The following LHFPL1 variants were observed in gnomAD, a reference collection of about 807,000 sequenced individuals.
LHFPL1 encodes LHFPL tetraspan subfamily member 1, also known as LHFPL tetraspan subfamily member 1 protein.
A neutral mutation model predicts 12.1 loss-of-function variants in LHFPL1; 4 were observed. That is an observed-to-expected ratio of 0.33 (90% CI 0.16 to 0.76). The LOEUF (loss-of-function observed/expected upper bound fraction) is 0.76. Among genes scored for constraint, LHFPL1 ranks in the 30% least tolerant of loss-of-function variants. LHFPL1 has a pLI of 0.61. For synonymous variants in LHFPL1, 52 were observed against 61.9 expected, an observed-to-expected ratio of 0.84 and a Z score of 0.75; for missense variants, 141 against 174.1, an observed-to-expected ratio of 0.81 and a Z score of 1.07.
At chrX:112,641,038 T>C (rs7050419) in intron 3 of LHFPL1, among the ~76,000 whole-genome samples, 30,789 of 110,605 alleles carry the variant, frequency 0.28, 4,330 homozygotes, top group African/African-American at 0.54. Flanking sequence ...AGTGAGCTGA[T>C]TTACCTCAGG....
chrX:112,631,430 A>C lies in LHFPL1; in HGVS notation c.653T>G (p.Leu218Arg). Residue 218 changes from leucine (L) to arginine (R), a missense_variant, in exon 4 of 4, where the codon CTC becomes CGC. By Grantham distance (102) the Leu-to-Arg change is moderately radical (BLOSUM62 -2). Transcript: ENST00000371968. ...ATCTTCTTTCAAAGCTCAAGGTTTG[A>C]GGCAATGGTCAAGCTCCATAGCATA... The part of the protein sequence containing the change: ...NSYAMELDHC[L>R]KP 1 of 1,203,109 alleles carries C rather than the reference A, an allele frequency of 8.3e-7. No individual in the cohort carries two copies. Among genetic ancestry groups the C allele is most frequent in the Non-Finnish European group, 1.1e-6 (1 of 889,675 alleles).
At chrX:112,655,400 T>A (rs1370952489) in intron 3 of LHFPL1, among the ~76,000 whole-genome samples, 2 of 112,041 alleles carry the variant, frequency 1.8e-5, no homozygotes, top group African/African-American at 6.5e-5. Context: ...GTATCTTTGA[T>A]CATTCAAATT....
intron 2 of LHFPL1, 93 bp downstream of exon 2, chrX:112,670,916 G>T (rs1931476181): frequency 2.1e-6 from 2 of 939,441 alleles, no homozygotes; most frequent in East Asian, 3.1e-5. Context: ...AAAGTGAAGG[G>T]GGTGAGAATG....
At chrX:112,644,179 C>G (rs1047044805) in intron 3 of LHFPL1, among the ~76,000 whole-genome samples, 1 of 112,246 alleles carries the variant, frequency 8.9e-6, no homozygotes, top group African/African-American at 3.2e-5. Context: ...GGCGGATGGC[C>G]TCCTATGGAT....
intron 3 of LHFPL1, among the ~76,000 whole-genome samples, chrX:112,658,539 G>A (rs1472493287): frequency 2.7e-5 from 3 of 109,744 alleles, no homozygotes; most frequent in Admixed American, 9.7e-5. Context: ...AAAGATGTTC[G>A]AAATCATCAG....
intron 2 of LHFPL1, among the ~76,000 whole-genome samples, chrX:112,668,435 T>A (rs1434214445): frequency 8.9e-6 from 1 of 112,546 alleles, no homozygotes; most frequent in Non-Finnish European, 1.9e-5. Flanking sequence ...GGTCTAGCGA[T>A]CTGTCCCAAT....
chrX:112,677,364 G>A (rs957202073), intron 1 of LHFPL1, among the ~76,000 whole-genome samples: 4 of 111,421 alleles, frequency 3.6e-5, no homozygotes, highest in African/African-American at 1.3e-4. Context: ...GCTGGTTTAG[G>A]ACTGGTCTGT....
chrX:112,661,292 G>A lies in LHFPL1; in HGVS notation c.383-567C>T, dbSNP rs1338009116. ...TATGCCTTACACCATGACGCCTTAC[G>A]CTAAATAAAAGGATGAAGGCCCTTT... is the stretch of plus-strand genomic sequence containing the variant. On this transcript the variant is annotated intron_variant, in intron 2 of 3. Coordinates refer to ENST00000371968, the MANE Select transcript of LHFPL1 (RefSeq NM_178175.4). Among the ~76,000 whole-genome samples the A allele has an allele frequency of 7.2e-5, 8 of 110,941 alleles. No homozygotes were observed. In the East Asian group the frequency reaches 8.5e-4, roughly 12 times the overall value.
chrX:112,659,347 C>T (rs1602683986), intron 3 of LHFPL1, among the ~76,000 whole-genome samples: 1 of 111,128 alleles, frequency 9.0e-6, no homozygotes, highest in African/African-American at 3.3e-5. Flanking sequence ...GTAGTCCCAG[C>T]CACTTGAGAG....
chrX:112,675,540 T>C (rs1430667615), intron 1 of LHFPL1, among the ~76,000 whole-genome samples: 1 of 112,521 alleles, frequency 8.9e-6, no homozygotes, highest in African/African-American at 3.2e-5. Context: ...TTAAATTAAA[T>C]GTGTTTAGCT....
At chrX:112,642,092 C>T (rs1355928194) in intron 3 of LHFPL1, among the ~76,000 whole-genome samples, 1 of 109,758 alleles carries the variant, frequency 9.1e-6, no homozygotes, top group Non-Finnish European at 1.9e-5. Flanking sequence ...TCTAGCCTCG[C>T]CAGGGAATTG....
At chrX:112,664,491 G>A (rs16987041) in intron 2 of LHFPL1, among the ~76,000 whole-genome samples, 6,764 of 111,506 alleles carry the variant, frequency 0.061, 526 homozygotes, top group African/African-American at 0.21. Flanking sequence ...ACAGGTACCC[G>A]CTGAAAGAAC....
At chrX:112,631,682 C>T (rs767773897) in intron 3 of LHFPL1, 81 bp from the exon 4 acceptor site, 6 of 698,744 alleles carry the variant, frequency 8.6e-6, no homozygotes, top group Non-Finnish European at 1.3e-5. Flanking sequence ...GAAATGATTC[C>T]AGAAAGTACA....
chrX:112,668,939 T>C (rs897939714), intron 2 of LHFPL1, among the ~76,000 whole-genome samples: 1 of 112,069 alleles, frequency 8.9e-6, no homozygotes, highest in Non-Finnish European at 1.9e-5. Context: ...CCCTCCTCAC[T>C]CTGCTGGAAA....
chrX:112,662,186 A>T (rs736372), intron 2 of LHFPL1, among the ~76,000 whole-genome samples: 25,510 of 111,954 alleles, frequency 0.23, 4,540 homozygotes, highest in African/African-American at 0.62. Context: ...ACACTAATGA[A>T]CATGGGAGGG....
At chrX:112,637,665 T>C (rs10521553) in intron 3 of LHFPL1, among the ~76,000 whole-genome samples, 8,505 of 111,930 alleles carry the variant, frequency 0.076, 268 homozygotes, top group Middle Eastern at 0.13. Flanking sequence ...GTCTGTCTTT[T>C]GAGTGAGTTG....
chrX:112,640,206 G>A (rs370400268), intron 3 of LHFPL1, among the ~76,000 whole-genome samples: 9 of 111,484 alleles, frequency 8.1e-5, no homozygotes, highest in Admixed American at 4.8e-4. Context: ...AAGCAGAAAC[G>A]GGACAAGGAA....
intron 3 of LHFPL1, among the ~76,000 whole-genome samples, chrX:112,657,125 A>G (rs1251795970): frequency 8.9e-6 from 1 of 112,826 alleles, no homozygotes; most frequent in African/African-American, 3.2e-5. Flanking sequence ...CTGTATAATA[A>G]CAATAAGGAA....
At chrX:112,676,073 C>T (rs1368058540) in intron 1 of LHFPL1, among the ~76,000 whole-genome samples, 1 of 111,926 alleles carries the variant, frequency 8.9e-6, no homozygotes, top group Non-Finnish European at 1.9e-5. Context: ...TGTTCACACA[C>T]TGCTTTATGT....
Sources: gnomAD v4.1 joint callset for allele counts (sites outside exome capture counted in the v4.1 genomes callset) on GRCh38, gnomAD v4.1.1 for gene constraint, MANE v1.5 for transcripts, NCBI Gene and HGNC (gene_info 2026-07-23, HGNC 2026-07-21) for gene names.